The following NCBP3 variants were observed in gnomAD, a reference collection of about 807,000 sequenced individuals.
The protein encoded by NCBP3 is nuclear cap binding subunit 3.
Under a neutral mutation model 75.7 loss-of-function variants are expected in NCBP3, and 20 were observed. That is an observed-to-expected ratio of 0.26 (90% CI 0.19 to 0.38). The LOEUF is 0.38. Among genes scored for constraint, NCBP3 ranks in the 10% least tolerant of loss-of-function variants. The pLI, the probability that NCBP3 is intolerant of heterozygous loss-of-function variation, is 1.00. For missense variants in NCBP3, 678 were observed against 796.9 expected, an observed-to-expected ratio of 0.85 and a Z score of 1.80; for synonymous variants, 293 against 290.5, an observed-to-expected ratio of 1.01 and a Z score of -0.09.
At position 3,818,642 on chromosome 17, in the gene NCBP3, T is replaced by A. The variant is rs2053601713; in HGVS notation, c.1001-70A>T. On this transcript the variant is annotated intron_variant, in intron 9 of 12. Coordinates refer to ENST00000389005, the MANE Select transcript of NCBP3 (RefSeq NM_001114118.3). The surrounding 1 kb of genome is among the most constrained non-coding windows in gnomAD (Gnocchi z 4.7). ...AACAAGTATGATTTTCTACTCTACA[T>A]CGGTGACCTTTTTAAAAGGTGGGGT... 1 of 1,500,080 alleles carries A rather than the reference T, an allele frequency of 6.7e-7. No homozygotes were observed. Among genetic ancestry groups the A allele is most frequent in the Admixed American group, 2.1e-5 (1 of 46,536 alleles). 92.9% of individuals were successfully genotyped at this position (1,500,080 alleles called of 1,614,324 possible). A position where few individuals can be genotyped will look rare whatever the true frequency, so the allele number is the denominator to read the frequency against.
chr17:3,814,337 G>T lies in NCBP3; in HGVS notation c.1612C>A (p.Arg538=). ...TGTTACCAACCTGATTTCTTCTCCC[G>T]AGTATCGGCGTAGAGGCCTTTACTA... is the stretch of plus-strand genomic sequence containing the variant. ...QDSKGLYADT[R]EKKSGNLWTR... Residue 538 remains arginine, a synonymous_variant, in exon 12 of 13, where the codon CGG becomes AGG. Transcript: ENST00000389005. The T allele has an allele frequency of 1.2e-6, 2 of 1,614,028 alleles. No individual in the cohort carries two copies. The highest frequency in any genetic ancestry group is 2.2e-5 in the South Asian group (2 of 91,060).
In NCBP3 at chr17:3,818,523, C is replaced by T; in HGVS notation, c.1050G>A (p.Glu350=). ...EEPIEEEEEE[E]EEEEEEEEED... is the part of the protein sequence containing the mutation. ...CTTCTTCCTCTTCCTCTTCCTCCTC[C>T]TCCTCCTCTTCCTCCTCTTCAATGG... Residue 350 remains glutamate (E), a synonymous_variant, in exon 10 of 13, where the codon GAG becomes GAA. Transcript: ENST00000389005. The surrounding 1 kb of genome is among the most constrained non-coding windows in gnomAD (Gnocchi z 4.7). 1 of 1,611,966 alleles carries T rather than the reference C, an allele frequency of 6.2e-7. No individual in the cohort carries two copies. Among genetic ancestry groups the T allele is most frequent in the East Asian group, 2.2e-5 (1 of 44,884 alleles).
intron 1 of NCBP3, among the ~76,000 whole-genome samples, chr17:3,843,704 C>T (rs1486667887): frequency 1.3e-5 from 2 of 152,104 alleles, no homozygotes; most frequent in African/African-American, 2.4e-5. Flanking sequence ...GTGCCACCAC[C>T]GCCAGCTAAT....
At chr17:3,844,081 C>G (rs116604846) in intron 1 of NCBP3, among the ~76,000 whole-genome samples, 1 of 152,178 alleles carries the variant, frequency 6.6e-6, no homozygotes. Flanking sequence ...AGCTCCCCAA[C>G]CCAGTCTGAA....
chr17:3,821,192 A>C (rs887890854), intron 9 of NCBP3, 57 bp downstream of exon 9: 3 of 1,271,546 alleles, frequency 2.4e-6, no homozygotes, highest in East Asian at 4.7e-5. Context: ...ATTAAGAATA[A>C]AAATATGATT....
At position 3,818,126 on chromosome 17, in the gene NCBP3, T is replaced by C. The variant is rs573700454; in HGVS notation, c.1310+137A>G. On this transcript the variant is annotated intron_variant, in intron 10 of 12. Coordinates refer to ENST00000389005, the MANE Select transcript of NCBP3 (RefSeq NM_001114118.3). This position sits in a 1 kb window ranked among gnomAD's most constrained non-coding sequence, Gnocchi z 4.7. ...ATCACTGCTTGTATAGAGGAAATAC[T>C]GGATGCGTTTATTAAACTCCTACAA... 4.6e-5 allele frequency: 33 copies of C among 711,966 alleles called. No individual in the cohort carries two copies. Among genetic ancestry groups the C allele is most frequent in the South Asian group, 3.9e-4 (17 of 43,142 alleles). The allele number at this position is 711,966 out of a possible 1,614,324, so 44.1% of individuals were successfully genotyped here.
Position 3,816,110 on chromosome 17 carries a change from C to T in NCBP3, c.1465+6G>A. ...TCCAGCCAGGAATCCAAGTGAGGAA[C>T]AGTACCTGATTTAGTACTGCTGACT... On this transcript the variant is annotated splice_donor_region_variant and intron_variant, in intron 11 of 12. Transcript: ENST00000389005. The T allele has an allele frequency of 6.2e-7, 1 of 1,611,180 alleles. No individual in the cohort carries two copies. The highest frequency in any genetic ancestry group is 8.5e-7 in the Non-Finnish European group (1 of 1,178,648).
At chr17:3,831,094 A>G (rs1179713091) in intron 3 of NCBP3, among the ~76,000 whole-genome samples, 1 of 149,300 alleles carries the variant, frequency 6.7e-6, no homozygotes, top group Non-Finnish European at 1.5e-5. Context: ...TATTTTTAGT[A>G]GAGACGACGT....
rs1379656105 is a variant in NCBP3 at position 3,826,093 on chromosome 17, T to C, written c.604A>G (p.Lys202Glu). The C allele has an allele frequency of 1.3e-6, 2 of 1,551,168 alleles. No individual in the cohort carries two copies. The highest frequency in any genetic ancestry group is 1.7e-6 in the Non-Finnish European group (2 of 1,146,786). The change falls in exon 5 of 13, where the codon AAA (lysine) becomes GAA (glutamate). Residue 202 changes from lysine to glutamate, a missense_variant. Coordinates refer to ENST00000389005, the MANE Select transcript of NCBP3 (RefSeq NM_001114118.3). ...CCCTCCTTTGTGTTGTTACCTTTTT[T>C]CCTTTTCTCAGCTGACTTGTCCTCA... ...ASEDKSAEKR[K>E]KDKQEDSSDD...
chr17:3,804,909 A>T lies in NCBP3; in HGVS notation c.*8135T>A, dbSNP rs1162892833. On this transcript the variant is annotated 3_prime_UTR_variant, in exon 13 of 13. Coordinates refer to ENST00000389005, the MANE Select transcript of NCBP3 (RefSeq NM_001114118.3). ...TCCAAACAGGCCTGTTTCCTCCAGA[A>T]TCAGGACTCTGAACCACCACAAACT... 3 of 152,210 alleles carry T rather than the reference A, an allele frequency of 2.0e-5. No individual in the cohort carries two copies. The highest frequency in any genetic ancestry group is 4.4e-5 in the Non-Finnish European group (3 of 68,050). The allele number at this position is 152,210 out of a possible 1,614,324, so 9.4% of individuals were successfully genotyped here.
At chr17:3,836,859 C>T (rs2053981211) in intron 3 of NCBP3, among the ~76,000 whole-genome samples, 1 of 151,730 alleles carries the variant, frequency 6.6e-6, no homozygotes, top group Admixed American at 6.6e-5. Flanking sequence ...TTAAAAGTAC[C>T]TGAAAAGATG....
chr17:3,811,699 G>C lies in NCBP3; in HGVS notation c.*1345C>G, dbSNP rs1196494960. ...GCACAACAGCCCAGGCAGGTGAAGA[G>C]TCGTGACATCGCAAAAAGGACCACG... On this transcript the variant is annotated 3_prime_UTR_variant, in exon 13 of 13. Transcript: ENST00000389005. 6.6e-6 allele frequency: 1 copy of C among 152,238 alleles called. No homozygotes were observed. The highest frequency in any genetic ancestry group is 1.5e-5 in the Non-Finnish European group (1 of 68,046). 9.4% of individuals were successfully genotyped at this position (152,238 alleles called of 1,614,324 possible).
Position 3,826,339 on chromosome 17 carries a change from C to A in NCBP3, c.482-124G>T, listed in dbSNP as rs187623856. The A allele has an allele frequency of 8.6e-6, 8 of 932,882 alleles. No homozygotes were observed. The Admixed American group carries it at 2.4e-4, about 27-fold the overall frequency. The allele number at this position is 932,882 out of a possible 1,614,324, so 57.8% of individuals were successfully genotyped here. A position where few individuals can be genotyped will look rare whatever the true frequency, so the allele number is the denominator to read the frequency against. On this transcript the variant is annotated intron_variant, in intron 4 of 12. Transcript: ENST00000389005. Reference sequence around the variant, plus strand: ...CAACAGATTATCATCAGTAAATATACAAACCAACTAATGAAGAGAAATATA... The same window carrying A: ...CAACAGATTATCATCAGTAAATATAAAAACCAACTAATGAAGAGAAATATA...
chr17:3,836,654 C>CAA (rs56253811), intron 3 of NCBP3, among the ~76,000 whole-genome samples: 940 of 90,210 alleles, frequency 0.01, 15 homozygotes, highest in African/African-American at 0.037. Context: ...CTCCGTCTCT[C>CAA]AAAAAAAAAA....
intron 3 of NCBP3, among the ~76,000 whole-genome samples, chr17:3,833,586 T>C (rs1199068625): frequency 6.6e-6 from 1 of 151,988 alleles, no homozygotes; most frequent in Non-Finnish European, 1.5e-5. Context: ...ATGAGAGGAT[T>C]GCTTGAGCCC....
chr17:3,839,087 A>C (rs892264848), intron 3 of NCBP3, among the ~76,000 whole-genome samples: 2 of 152,220 alleles, frequency 1.3e-5, no homozygotes, highest in Non-Finnish European at 2.9e-5. Context: ...AATAAATAAG[A>C]ACATAGACTC....
intron 9 of NCBP3, among the ~76,000 whole-genome samples, chr17:3,820,157 C>T (rs2143654658): frequency 6.6e-6 from 1 of 152,200 alleles, no homozygotes; most frequent in East Asian, 1.9e-4. Context: ...ACTATGTTGC[C>T]CAGGCTGGTC....
At chr17:3,843,713 A>G (rs1233209991) in intron 1 of NCBP3, among the ~76,000 whole-genome samples, 1 of 151,992 alleles carries the variant, frequency 6.6e-6, no homozygotes, top group Non-Finnish European at 1.5e-5. Context: ...CCGCCAGCTA[A>G]TTTTTTTATT....
At position 3,834,179 on chromosome 17, in the gene NCBP3, T is replaced by C. The variant is rs117366583; in HGVS notation, c.356-4811A>G. Among the ~76,000 whole-genome samples, 594 of 152,220 alleles carry C rather than the reference T, an allele frequency of 3.9e-3. 3 individuals are homozygous for C. The highest frequency in any genetic ancestry group is 5.9e-3 in the Non-Finnish European group (404 of 68,012). On this transcript the variant is annotated intron_variant, in intron 3 of 12. Transcript: ENST00000389005. ...CATGTAGGAGAGAGACGGATTACAA[T>C]GAGAATGGCACAAATCTGAACGACT...
Sources: gnomAD v4.1 joint callset for allele counts (sites outside exome capture counted in the v4.1 genomes callset) on GRCh38, gnomAD v4.1.1 for gene constraint, Gnocchi (gnomAD v3.1) non-coding constraint, MANE v1.5 for transcripts, NCBI Gene and HGNC (gene_info 2026-07-23, HGNC 2026-07-21) for gene names.